The following USP43 variants were observed in gnomAD, a reference collection of about 807,000 sequenced individuals.
USP43 encodes ubiquitin carboxyl-terminal hydrolase 43.
A neutral mutation model predicts 90.7 loss-of-function variants in USP43; 33 were observed. The observed-to-expected ratio is 0.36, with a 90% CI of 0.28 to 0.49. USP43 has a LOEUF of 0.49. USP43 is among the 20% of genes least tolerant of loss of function. The probability of loss-of-function intolerance (pLI) is 0.98; values close to 1 mark genes in which losing one functional copy is unlikely to be tolerated. For missense variants in USP43, 1,274 were observed against 1,476.4 expected (o/e 0.86, Z 2.25); for synonymous variants, 598 against 615.8 (o/e 0.97, Z 0.43).
intron 12 of USP43, among the ~76,000 whole-genome samples, chr17:9,703,222 C>T (rs964201859): frequency 7.2e-5 from 11 of 151,816 alleles, no homozygotes; most frequent in Non-Finnish European, 1.2e-4. Flanking sequence ...AATGAGTCCC[C>T]GTGCACACAT....
chr17:9,645,822 G>T lies in USP43; in HGVS notation c.190G>T (p.Ala64Ser). 1 of 1,389,382 alleles carries T rather than the reference G, an allele frequency of 7.2e-7. No homozygotes were observed. The highest frequency in any genetic ancestry group is 1.5e-5 in the African/African-American group (1 of 65,276). 86.1% of individuals were successfully genotyped at this position (1,389,382 alleles called of 1,614,324 possible). ...CGACGGTGAGGGGGGCTTCGCCTGC[G>T]CCCCGGGCCCAGTTCCAGCGGCCCC... is the stretch of plus-strand genomic sequence containing the variant. ...DGDGEGGFAC[A>S]PGPVPAAPGS... is the part of the protein sequence containing the mutation. Residue 64 changes from alanine (A) to serine (S), a missense_variant, in exon 1 of 15, where the codon GCC (alanine) becomes TCC (serine). Transcript: ENST00000285199. This position sits in a 1 kb window ranked among gnomAD's most constrained non-coding sequence, Gnocchi z 6.8.
In USP43 at chr17:9,729,061, T is replaced by A. The variant is rs1917444239; in HGVS notation, c.*71T>A. ...CCAAGCAACTGTAGGCAGCTCATGT[T>A]GAGAATGGGTTTCCAGGAAACCCGT... On this transcript the variant is annotated 3_prime_UTR_variant, in exon 15 of 15. Transcript: ENST00000285199. The A allele has an allele frequency of 2.2e-6, 3 of 1,391,252 alleles. No homozygotes were observed. The South Asian group carries it at 5.7e-5, about 26-fold the overall frequency. The allele number at this position is 1,391,252 out of a possible 1,614,324, so 86.2% of individuals were successfully genotyped here.
chr17:9,727,876 G>A, intron 14 of USP43, 78 bp from the exon 15 acceptor site: 1 of 1,476,824 alleles, frequency 6.8e-7, no homozygotes. Flanking sequence ...CACATCAGAG[G>A]TGCTCAGTGA....
intron 6 of USP43, among the ~76,000 whole-genome samples, chr17:9,681,395 A>C (rs1914231227): frequency 1.7e-5 from 2 of 118,564 alleles, no homozygotes; most frequent in African/African-American, 3.1e-5. Context: ...TATAATATAG[A>C]TAAATATGTA....
intron 3 of USP43, among the ~76,000 whole-genome samples, chr17:9,667,123 CAA>C (rs375172798): frequency 3.9e-5 from 6 of 152,186 alleles, no homozygotes; most frequent in African/African-American, 1.4e-4. Context: ...ATTCTGAGCT[CAA>C]GAGTTCCAAG....
intron 14 of USP43, among the ~76,000 whole-genome samples, chr17:9,718,026 C>G (rs1454636955): frequency 1.4e-5 from 2 of 142,542 alleles, no homozygotes; most frequent in African/African-American, 5.3e-5. Flanking sequence ...TCGATCTCTT[C>G]ATCTCGTGAT....
chr17:9,717,195 A>G (rs1476947590), intron 14 of USP43, among the ~76,000 whole-genome samples: 2 of 151,506 alleles, frequency 1.3e-5, no homozygotes, highest in Admixed American at 1.3e-4. Context: ...CATTGTCAGA[A>G]TAGTTTACAT....
rs1353714962 is a variant in USP43, at chr17:9,722,117, A to G, written c.2336-5837A>G. 3.3e-5 allele frequency among the ~76,000 whole-genome samples: 5 copies of G among 152,064 alleles called. No individual in the cohort carries two copies. In the South Asian group the frequency reaches 1.0e-3, roughly 32 times the overall value. On this transcript the variant is annotated intron_variant, in intron 14 of 14. Transcript: ENST00000285199. ...TTAGCTGCTTTGTTACTAGGTGTCT[A>G]CGGGTTTATGACTGTTAGATCTCTT...
intron 14 of USP43, among the ~76,000 whole-genome samples, chr17:9,715,715 GTGTGTA>G (rs750297307): frequency 2.5e-3 from 346 of 136,854 alleles, no homozygotes; most frequent in Non-Finnish European, 3.1e-3. Context: ...GTGTCTCTGT[GTGTGTA>G]TGTGTGTGTG....
At chr17:9,713,732 T>A (rs760543073) in intron 14 of USP43, among the ~76,000 whole-genome samples, 3 of 152,162 alleles carry the variant, frequency 2.0e-5, no homozygotes, top group Non-Finnish European at 4.4e-5. Flanking sequence ...ATGTGGGGTG[T>A]GCAGTGTGAA....
intron 9 of USP43, among the ~76,000 whole-genome samples, chr17:9,695,509 AT>A (rs1292105806): frequency 1.3e-5 from 2 of 151,808 alleles, no homozygotes; most frequent in Non-Finnish European, 2.9e-5. Flanking sequence ...AATTTTTTGT[AT>A]TTTTAGTAGA....
Position 9,701,314 on chromosome 17 carries a change from C to T in USP43, c.1663-38C>T, listed in dbSNP as rs1348912208. On this transcript the variant is annotated intron_variant, in intron 11 of 14. Transcript: ENST00000285199. This position sits in a 1 kb window ranked among gnomAD's most constrained non-coding sequence, Gnocchi z 7.2. ...CTGCCTTTGGTGGGTTGGCCACGTG[C>T]TGCGGGGGCCTCACAGTCCGGGTGG... 1.3e-6 allele frequency: 2 copies of T among 1,586,906 alleles called. No individual in the cohort carries two copies. Among genetic ancestry groups the T allele is most frequent in the African/African-American group, 2.7e-5 (2 of 74,508 alleles).
chr17:9,661,410 G>A (rs1567649547), intron 2 of USP43, among the ~76,000 whole-genome samples: 2 of 152,084 alleles, frequency 1.3e-5, no homozygotes, highest in Admixed American at 1.3e-4. Flanking sequence ...AGGCTGGAGT[G>A]CAGTGGAGTG....
In USP43 at chr17:9,686,926, C is replaced by CGT. The variant is rs148093920; in HGVS notation, c.1353+31_1353+32dup. 675 of 1,558,220 alleles carry CGT rather than the reference C, an allele frequency of 4.3e-4. No homozygotes were observed. The highest frequency in any genetic ancestry group is 5.1e-4 in the Middle Eastern group (3 of 5,872). On this transcript the variant is annotated intron_variant, in intron 8 of 14. Transcript: ENST00000285199. This position sits in a 1 kb window ranked among gnomAD's most constrained non-coding sequence, Gnocchi z 5.5. ...CCTGTACAGGTCAGTGGTGTGCATG[C>CGT]GTGTGTGTGTGTGTGCGTGCATGCG...
At chr17:9,713,234 G>A (rs910745665) in intron 14 of USP43, among the ~76,000 whole-genome samples, 5 of 152,036 alleles carry the variant, frequency 3.3e-5, no homozygotes, top group South Asian at 2.1e-4. Context: ...GATTACAGGC[G>A]CCTGCCACTA....
intron 2 of USP43, among the ~76,000 whole-genome samples, chr17:9,665,419 A>T (rs1376550534): frequency 2.0e-5 from 3 of 152,128 alleles, no homozygotes; most frequent in Non-Finnish European, 4.4e-5. Context: ...GGAAGCAGGC[A>T]CCGTCTTCAC....
intron 12 of USP43, among the ~76,000 whole-genome samples, chr17:9,705,622 G>A (rs756013283): frequency 1.6e-4 from 25 of 152,092 alleles, no homozygotes; most frequent in Non-Finnish European, 2.4e-4. Context: ...AGGCGTGGTG[G>A]CGTGTGCCTG....
rs1913638389 is a variant in USP43, at chr17:9,674,487, G to A, written c.741-404G>A. Reference sequence around the variant, plus strand: ...GCTTTCTGTGTCTATGGCATTACCTGTTCTGGATACTTCATATAAACGGGA... The same window carrying A: ...GCTTTCTGTGTCTATGGCATTACCTATTCTGGATACTTCATATAAACGGGA... On this transcript the variant is annotated intron_variant, in intron 3 of 14. Transcript: ENST00000285199. This position sits in a 1 kb window ranked among gnomAD's most constrained non-coding sequence, Gnocchi z 4.4. 1.3e-5 allele frequency among the ~76,000 whole-genome samples: 2 copies of A among 152,108 alleles called. No homozygotes were observed. The highest frequency in any genetic ancestry group is 1.3e-4 in the Admixed American group (2 of 15,260).
chr17:9,696,207 C>T lies in USP43; in HGVS notation c.1457+2977C>T, dbSNP rs563605875. Among the ~76,000 whole-genome samples the T allele has an allele frequency of 5.3e-5, 8 of 152,118 alleles. No homozygotes were observed. In the South Asian group the frequency reaches 1.5e-3, roughly 28 times the overall value. On this transcript the variant is annotated intron_variant, in intron 9 of 14. Coordinates refer to ENST00000285199, the MANE Select transcript of USP43 (RefSeq NM_153210.5). ...GGAGTGCAGTGGCACAATCTCGGCTCACTGCAACCCCCGCCTCCTGGATTC... is the reference window on the plus strand; with the variant it reads ...GGAGTGCAGTGGCACAATCTCGGCTTACTGCAACCCCCGCCTCCTGGATTC...
Sources: gnomAD v4.1 joint callset for allele counts (sites outside exome capture counted in the v4.1 genomes callset) on GRCh38, gnomAD v4.1.1 for gene constraint, Gnocchi (gnomAD v3.1) non-coding constraint, MANE v1.5 for transcripts, NCBI Gene and HGNC (gene_info 2026-07-23, HGNC 2026-07-21) for gene names.